MCF2L2: variants seen among roughly 807,000 people sequenced by gnomAD.
The protein encoded by MCF2L2 is MCF.2 cell line derived transforming sequence-like 2.
In MCF2L2, 102 loss-of-function variants were observed where a neutral mutation model predicts 150.2. The ratio of observed to expected loss-of-function variants is 0.68; its 90% CI spans 0.58 to 0.80. The LOEUF (loss-of-function observed/expected upper bound fraction) is 0.80. Ranked by LOEUF, MCF2L2 falls within the 30% of genes least tolerant of loss-of-function variation. The pLI is 0.00. For missense variants in MCF2L2, 1,256 were observed against 1,372.8 expected, an observed-to-expected ratio of 0.91 and a Z score of 1.34; for synonymous variants, 465 against 491.3, an observed-to-expected ratio of 0.95 and a Z score of 0.71.
At chr3:183,265,154 C>A (rs1003777902) in intron 15 of MCF2L2, 1 of 152,204 alleles carries the variant, frequency 6.6e-6, no homozygotes. Context: ...GGATATTCAT[C>A]CCTGATTTGC....
Position 183,283,034 on chromosome 3 carries a change from C to A in MCF2L2, c.1777-6077G>T, listed in dbSNP as rs777699851. Among the ~76,000 whole-genome samples, 4 of 152,222 alleles carry A rather than the reference C, an allele frequency of 2.6e-5. No homozygotes were observed. The highest frequency in any genetic ancestry group is 5.9e-5 in the Non-Finnish European group (4 of 68,046). On this transcript the variant is annotated intron_variant, in intron 14 of 29. Coordinates refer to ENST00000328913, the MANE Select transcript of MCF2L2 (RefSeq NM_015078.4). The surrounding 1 kb of genome is among the most constrained non-coding windows in gnomAD (Gnocchi z 4.2). ...TACTTTATCGGGCCAACAAATTCATCCCATGAGGAATCCAAGATGGAAACG... is the reference window on the plus strand; with the variant it reads ...TACTTTATCGGGCCAACAAATTCATACCATGAGGAATCCAAGATGGAAACG...
chr3:183,373,508 T>TC (rs5854977), intron 3 of MCF2L2: 33,150 of 152,014 alleles, frequency 0.22, 6,158 homozygotes, highest in African/African-American at 0.51. Flanking sequence ...CACTGCCACC[T>TC]CACTTTATCC....
chr3:183,395,935 AAAAGAAAG>A (rs71629981), intron 1 of MCF2L2, among the ~76,000 whole-genome samples: 27 of 99,112 alleles, frequency 2.7e-4, no homozygotes, highest in African/African-American at 5.7e-4. Flanking sequence ...AAAAAAAAAA[AAAAGAAAG>A]AAAGAAAGAA....
rs146983135 is a variant in MCF2L2, at chr3:183,270,926, G to T, written c.1862+5946C>A. 2 of 1,573,056 alleles carry T rather than the reference G, an allele frequency of 1.3e-6. No individual in the cohort carries two copies. Among genetic ancestry groups the T allele is most frequent in the Non-Finnish European group, 1.7e-6 (2 of 1,163,850 alleles). On this transcript the variant is annotated intron_variant, in intron 15 of 29. Coordinates refer to ENST00000328913, the MANE Select transcript of MCF2L2 (RefSeq NM_015078.4). This position sits in a 1 kb window ranked among gnomAD's most constrained non-coding sequence, Gnocchi z 4.5. ...TGGACACATACCCTTGTAGGGCTGC[G>T]TTTATCTAATAGTACTTGAATGTTG...
intron 3 of MCF2L2, among the ~76,000 whole-genome samples, chr3:183,351,225 TATATATATA>T (rs1560034993): frequency 7.7e-4 from 73 of 94,232 alleles, no homozygotes; most frequent in African/African-American, 2.0e-3. Flanking sequence ...TATATATATA[TATATATATA>T]TATTTATTTA....
At chr3:183,274,224 A>G (rs1421377711) in intron 15 of MCF2L2, among the ~76,000 whole-genome samples, 2 of 152,150 alleles carry the variant, frequency 1.3e-5, no homozygotes, top group African/African-American at 4.8e-5. Context: ...AAAAAAAAAA[A>G]AATGCATTTC....
In MCF2L2 at chr3:183,311,012, T is replaced by TAA; in HGVS notation, c.895_896insTT (p.Asp299ValfsTer17). 1 of 1,611,278 alleles carries TAA rather than the reference T, an allele frequency of 6.2e-7. No individual in the cohort carries two copies. Among genetic ancestry groups the TAA allele is most frequent in the Non-Finnish European group, 8.5e-7 (1 of 1,177,456 alleles). On this transcript the variant is annotated frameshift_variant, in exon 9 of 30. Transcript: ENST00000328913. LOFTEE classifies it high-confidence loss of function. Reference sequence around the variant, plus strand: ...GTGACTAAAGGCTTTTTCTGTTTCATCCAGTTGAACTAATAACCTTTCAAG... The same window carrying TAA: ...GTGACTAAAGGCTTTTTCTGTTTCATAACCAGTTGAACTAATAACCTTTCAAG...
chr3:183,268,483 C>G (rs1403522450), intron 15 of MCF2L2, among the ~76,000 whole-genome samples: 1 of 150,830 alleles, frequency 6.6e-6, no homozygotes, highest in Non-Finnish European at 1.5e-5. Flanking sequence ...CAGGATTAAA[C>G]ATTTAAATAA....
At chr3:183,329,596 T>C (rs182096416) in intron 5 of MCF2L2, among the ~76,000 whole-genome samples, 69 of 152,306 alleles carry the variant, frequency 4.5e-4, no homozygotes, top group African/African-American at 1.6e-3. Context: ...TATTCAGCAA[T>C]GAAAGGAAAG....
At chr3:183,301,097 T>C (rs1308466728) in intron 10 of MCF2L2, among the ~76,000 whole-genome samples, 1 of 151,394 alleles carries the variant, frequency 6.6e-6, no homozygotes, top group Non-Finnish European at 1.5e-5. Context: ...ACACTGACCC[T>C]GTCTGCTCAA....
chr3:183,233,585 G>A (rs1410151594), intron 15 of MCF2L2, among the ~76,000 whole-genome samples: 1 of 152,098 alleles, frequency 6.6e-6, no homozygotes, highest in African/African-American at 2.4e-5. Flanking sequence ...TGTAAAAAAT[G>A]AATGTGTATG....
At chr3:183,395,095 A>G in intron 1 of MCF2L2, among the ~76,000 whole-genome samples, 1 of 152,220 alleles carries the variant, frequency 6.6e-6, no homozygotes, top group East Asian at 1.9e-4. Context: ...CCAAAGCCCA[A>G]CGTCTTAACC....
At chr3:183,310,569 G>A (rs1729324041) in intron 9 of MCF2L2, 1 of 299,572 alleles carries the variant, frequency 3.3e-6, no homozygotes, top group Admixed American at 4.7e-5. Context: ...AGGCTGAGGT[G>A]GGAGGATAGC....
intron 10 of MCF2L2, among the ~76,000 whole-genome samples, chr3:183,309,269 T>TC (rs1209911086): frequency 1.7e-5 from 1 of 59,638 alleles, no homozygotes; most frequent in African/African-American, 1.4e-4. Flanking sequence ...ACTAGTTGTT[T>TC]TTTTTTTTCT....
At chr3:183,326,395 G>A (rs1339243270) in intron 5 of MCF2L2, among the ~76,000 whole-genome samples, 2 of 150,196 alleles carry the variant, frequency 1.3e-5, no homozygotes, top group African/African-American at 2.5e-5. Flanking sequence ...GGGAGGCTGA[G>A]GCAAAAGAAT....
At chr3:183,415,755 T>C (rs929242639) in intron 1 of MCF2L2, among the ~76,000 whole-genome samples, 1 of 152,198 alleles carries the variant, frequency 6.6e-6, no homozygotes, top group Admixed American at 6.5e-5. Context: ...TCTTTGAATA[T>C]ACTAGTTGTA....
chr3:183,302,974 C>G (rs1728929065), intron 10 of MCF2L2, among the ~76,000 whole-genome samples: 1 of 151,958 alleles, frequency 6.6e-6, no homozygotes, highest in African/African-American at 2.4e-5. Flanking sequence ...ACGGGCAGAT[C>G]ATGAGGTCAG....
At chr3:183,326,221 G>A (rs1560022885) in intron 5 of MCF2L2, among the ~76,000 whole-genome samples, 1 of 152,126 alleles carries the variant, frequency 6.6e-6, no homozygotes, top group Non-Finnish European at 1.5e-5. Context: ...GCTGGGCGCA[G>A]TGACTCATGC....
intron 14 of MCF2L2, among the ~76,000 whole-genome samples, chr3:183,288,168 G>A (rs766472708): frequency 2.3e-4 from 35 of 152,276 alleles, no homozygotes; most frequent in Middle Eastern, 3.4e-3. Flanking sequence ...TTTTCAGGAG[G>A]TAGCTGTTGT....
Sources: allele counts gnomAD v4.1 joint callset (sites outside exome capture counted in the v4.1 genomes callset), GRCh38; gene constraint gnomAD v4.1.1; non-coding constraint Gnocchi (gnomAD v3.1); transcripts MANE v1.5; gene names NCBI Gene and HGNC (gene_info 2026-07-23, HGNC 2026-07-21).